The following PRDM2 variants were observed in gnomAD, a reference collection of about 807,000 sequenced individuals.
The protein encoded by PRDM2 is PR domain zinc finger protein 2.
In PRDM2, 30 loss-of-function variants were observed where a neutral mutation model predicts 130.0. The observed-to-expected ratio is 0.23, with a 90% CI of 0.17 to 0.31. PRDM2 has a LOEUF of 0.31. Among genes scored for constraint, PRDM2 ranks in the 10% least tolerant of loss-of-function variants. The pLI, the probability that PRDM2 is intolerant of heterozygous loss-of-function variation, is 1.00. For missense variants in PRDM2, 2,011 were observed against 2,108.4 expected (o/e 0.95, Z 0.90); for synonymous variants, 871 against 782.4 (o/e 1.11, Z -1.89).
chr1:13,796,101 T>C (rs141672510), intron 8 of PRDM2, among the ~76,000 whole-genome samples: 133 of 152,334 alleles, frequency 8.7e-4, no homozygotes, highest in Non-Finnish European at 1.6e-3. Context: ...ATTTCACCCT[T>C]CTTTGAGGGT....
intron 5 of PRDM2, among the ~76,000 whole-genome samples, chr1:13,743,800 G>T (rs1643522768): frequency 6.6e-6 from 1 of 152,186 alleles, no homozygotes; most frequent in Non-Finnish European, 1.5e-5. Flanking sequence ...CCAGGTCCTT[G>T]TATCCAGTCC....
chr1:13,704,532 A>G (rs1471570095), intron 1 of PRDM2, among the ~76,000 whole-genome samples: 1 of 152,092 alleles, frequency 6.6e-6, no homozygotes, highest in African/African-American at 2.4e-5. Flanking sequence ...AATAAATCAT[A>G]CTCTGGGTTT....
Position 13,780,342 on chromosome 1 carries a change from T to A in PRDM2, c.2547T>A (p.Asp849Glu). Residue 849 changes from aspartate to glutamate, a missense_variant, in exon 8 of 10, where the codon GAT becomes GAA. Physicochemically the swap from Asp to Glu is conservative, Grantham distance 45. Coordinates refer to ENST00000311066, the MANE Select transcript of PRDM2 (RefSeq NM_001393986.1). ...KTPVQWESVLDLSVHKKHCSD... is the reference protein window; with the variant it reads ...KTPVQWESVLELSVHKKHCSD... Reference sequence around the variant, plus strand: ...CAGTCCAGTGGGAATCTGTCTTAGATCTCAGTGTGCATAAAAAGCATTGTA... The same window carrying A: ...CAGTCCAGTGGGAATCTGTCTTAGAACTCAGTGTGCATAAAAAGCATTGTA... The A allele has an allele frequency of 6.2e-7, 1 of 1,614,178 alleles. No individual in the cohort carries two copies. Among genetic ancestry groups the A allele is most frequent in the Non-Finnish European group, 8.5e-7 (1 of 1,180,032 alleles).
intron 8 of PRDM2, among the ~76,000 whole-genome samples, chr1:13,810,719 C>T (rs1339703618): frequency 6.6e-6 from 1 of 151,768 alleles, no homozygotes; most frequent in East Asian, 2.0e-4. Flanking sequence ...TGGTCTCGAT[C>T]TCTTGACCTC....
chr1:13,724,267 A>G (rs1285271891), intron 2 of PRDM2, among the ~76,000 whole-genome samples: 1 of 152,166 alleles, frequency 6.6e-6, no homozygotes, highest in Non-Finnish European at 1.5e-5. Context: ...TGTTGTGTTT[A>G]TTAATACTCT....
At chr1:13,786,303 A>G (rs1209728803) in intron 8 of PRDM2, among the ~76,000 whole-genome samples, 1 of 152,104 alleles carries the variant, frequency 6.6e-6, no homozygotes, top group African/African-American at 2.4e-5. Flanking sequence ...TCATGCCTCC[A>G]TCTCTGCTAC....
intron 6 of PRDM2, among the ~76,000 whole-genome samples, chr1:13,767,467 ATT>A (rs372707092): frequency 2.1e-4 from 24 of 113,956 alleles, no homozygotes; most frequent in African/African-American, 2.3e-4. Flanking sequence ...AATTTTTTCT[ATT>A]TTTTTTTTTT....
chr1:13,731,052 A>G lies in PRDM2; in HGVS notation c.62A>G (p.His21Arg), dbSNP rs1393016596. 6 of 1,611,980 alleles carry G rather than the reference A, an allele frequency of 3.7e-6. No individual in the cohort carries two copies. Among genetic ancestry groups the G allele is most frequent in the Admixed American group, 3.3e-5 (2 of 59,812 alleles). ...GAGACCCTGGCTGAGGTACCCGAAC[A>G]TGTGCTGCGAGGACTTCCGGAGGAA... ...ATETLAEVPE[H>R]VLRGLPEEVR... Residue 21 changes from histidine (H) to arginine (R), a missense_variant, in exon 3 of 10, where the codon CAT becomes CGT. His to Arg is a conservative substitution (Grantham distance 29, BLOSUM62 0). Coordinates refer to ENST00000311066, the MANE Select transcript of PRDM2 (RefSeq NM_001393986.1).
At chr1:13,709,628 A>G (rs1266756898) in intron 1 of PRDM2, among the ~76,000 whole-genome samples, 3 of 152,158 alleles carry the variant, frequency 2.0e-5, no homozygotes, top group Non-Finnish European at 2.9e-5. Flanking sequence ...TTAGCTTTAG[A>G]ATTTTTTTTG....
At chr1:13,741,888 C>T in intron 4 of PRDM2, 117 bp from the exon 5 acceptor site, 3 of 794,676 alleles carry the variant, frequency 3.8e-6, no homozygotes, top group South Asian at 2.0e-5. Flanking sequence ...TTATGAAATG[C>T]TTTATATAGA....
chr1:13,749,820 C>T (rs934545838), intron 6 of PRDM2, among the ~76,000 whole-genome samples: 7 of 152,098 alleles, frequency 4.6e-5, no homozygotes, highest in African/African-American at 1.7e-4. Context: ...CGGGGCCGGA[C>T]GTTCCCCCGC....
chr1:13,820,076 A>G (rs1015310611), intron 9 of PRDM2, among the ~76,000 whole-genome samples: 3 of 152,218 alleles, frequency 2.0e-5, no homozygotes, highest in Non-Finnish European at 2.9e-5. Flanking sequence ...GGAAACTGAC[A>G]CGGAGGGGCG....
At chr1:13,761,030 T>C (rs1644085710) in intron 6 of PRDM2, among the ~76,000 whole-genome samples, 1 of 152,258 alleles carries the variant, frequency 6.6e-6, no homozygotes, top group Non-Finnish European at 1.5e-5. Context: ...GAATTCTTCA[T>C]GTGCAAGAAA....
Position 13,781,556 on chromosome 1 carries a change from A to G in PRDM2, c.3761A>G (p.Glu1254Gly). Residue 1254 changes from glutamate (E) to glycine (G), a missense_variant, in exon 8 of 10, where the codon GAA (glutamate) becomes GGA (glycine). Glu to Gly is a moderately conservative substitution (Grantham distance 98). Around this residue, in one of 5 missense-constraint regions of PRDM2, gnomAD observed 229 missense variants for 364.1 expected, o/e 0.63. Coordinates refer to ENST00000311066, the MANE Select transcript of PRDM2 (RefSeq NM_001393986.1). The surrounding 1 kb of genome is among the most constrained non-coding windows in gnomAD (Gnocchi z 6.1). Reference sequence around the variant, plus strand: ...CAGAGCTTGCCAGAAGATCCTTTAGAAACTTCTAAAGAAGAAGAGGAGTTA... The same window carrying G: ...CAGAGCTTGCCAGAAGATCCTTTAGGAACTTCTAAAGAAGAAGAGGAGTTA... ...HMQSLPEDPL[E>G]TSKEEEELND... is the part of the protein sequence containing the mutation. 1 of 1,612,382 alleles carries G rather than the reference A, an allele frequency of 6.2e-7. No homozygotes were observed. Among genetic ancestry groups the G allele is most frequent in the Non-Finnish European group, 8.5e-7 (1 of 1,179,980 alleles).
At chr1:13,816,206 G>A (rs567666078) in intron 8 of PRDM2, among the ~76,000 whole-genome samples, 1 of 152,326 alleles carries the variant, frequency 6.6e-6, no homozygotes, top group South Asian at 2.1e-4. Context: ...TCGCCTCCGA[G>A]GGGAGAGAAT....
Position 13,749,469 on chromosome 1 carries a change from T to C in PRDM2, c.493T>C (p.Ser165Pro). The change falls in exon 6 of 10, where the codon TCC becomes CCC. Residue 165 changes from serine to proline, a missense_variant. Transcript: ENST00000311066. ...AGCCAGCGCCCGGAGCAAGCGGAGCTCCCCCAAGAGCCGGAAAGGTAGGAG... is the reference window on the plus strand; with the variant it reads ...AGCCAGCGCCCGGAGCAAGCGGAGCCCCCCCAAGAGCCGGAAAGGTAGGAG... ...ERASARSKRSSPKSRKGKKKS... is the reference protein window; with the variant it reads ...ERASARSKRSPPKSRKGKKKS... 2 of 1,482,484 alleles carry C rather than the reference T, an allele frequency of 1.3e-6. No individual in the cohort carries two copies. The highest frequency in any genetic ancestry group is 1.8e-6 in the Non-Finnish European group (2 of 1,102,490). The allele number at this position is 1,482,484 out of a possible 1,614,324, so 91.8% of individuals were successfully genotyped here.
At chr1:13,786,538 A>G in intron 8 of PRDM2, 2 of 1,609,492 alleles carry the variant, frequency 1.2e-6, no homozygotes, top group Non-Finnish European at 1.7e-6. Context: ...AAAAGCCCCC[A>G]AAACAAAACA....
intron 8 of PRDM2, among the ~76,000 whole-genome samples, chr1:13,804,425 A>C (rs1045356020): frequency 1.3e-5 from 2 of 152,182 alleles, no homozygotes; most frequent in Non-Finnish European, 2.9e-5. Context: ...CCTGCTGGCC[A>C]CTGCAGCCTA....
intron 6 of PRDM2, among the ~76,000 whole-genome samples, chr1:13,750,386 T>G (rs1026138867): frequency 6.6e-6 from 1 of 151,984 alleles, no homozygotes; most frequent in South Asian, 2.1e-4. Context: ...TTTTTTGTTT[T>G]TTTGTTTTTT....
Sources: allele counts gnomAD v4.1 joint callset (sites outside exome capture counted in the v4.1 genomes callset), GRCh38; gene constraint gnomAD v4.1.1; regional missense constraint gnomAD v4.1.1; non-coding constraint Gnocchi (gnomAD v3.1); transcripts MANE v1.5; gene names NCBI Gene and HGNC (gene_info 2026-07-23, HGNC 2026-07-21).